The following MED13L variants were observed in gnomAD, a reference collection of about 807,000 sequenced individuals.
The protein encoded by MED13L is mediator complex subunit 13L, also known as mediator of RNA polymerase II transcription subunit 13-like.
MED13L carries 7 observed loss-of-function variants against 220.9 expected under a neutral mutation model. The ratio of observed to expected loss-of-function variants is 0.03; its 90% CI spans 0.02 to 0.06. MED13L has a LOEUF of 0.06. Among genes scored for constraint, MED13L ranks in the 10% least tolerant of loss-of-function variants. MED13L has a pLI of 1.00. For synonymous variants in MED13L, 1,011 were observed against 1,015.2 expected (o/e 1.00, Z 0.08); for missense variants, 1,965 against 2,760.5 (o/e 0.71, Z 6.46).
In MED13L at chr12:115,987,121, G is replaced by A. The variant is rs1877747281; in HGVS notation, c.4102C>T (p.Arg1368Trp). Reference sequence around the variant, plus strand: ...ACAAAGACCCTACCGTAGGTTCCCCGTCCTGCCATTTTATGGAACTGCTGC... The same window carrying A: ...ACAAAGACCCTACCGTAGGTTCCCCATCCTGCCATTTTATGGAACTGCTGC... ...TWQQFHKMAGRGTYGSEESPE... is the reference protein window; with the variant it reads ...TWQQFHKMAGWGTYGSEESPE... The change falls in exon 18 of 31, where the codon CGG becomes TGG. Residue 1368 changes from arginine to tryptophan, a missense_variant. By Grantham distance (101) the Arg-to-Trp change is moderately radical (BLOSUM62 -3). Around this residue, in one of 10 missense-constraint regions of MED13L, gnomAD observed 21 missense variants for 73.9 expected, o/e 0.28. Coordinates refer to ENST00000281928, the MANE Select transcript of MED13L (RefSeq NM_015335.5). 6.2e-7 allele frequency: 1 copy of A among 1,614,120 alleles called. No homozygotes were observed. Among genetic ancestry groups the A allele is most frequent in the Non-Finnish European group, 8.5e-7 (1 of 1,179,982 alleles).
At chr12:116,139,309 T>C (rs1437565271) in intron 2 of MED13L, among the ~76,000 whole-genome samples, 1 of 152,174 alleles carries the variant, frequency 6.6e-6, no homozygotes, top group African/African-American at 2.4e-5. Flanking sequence ...TCAATGATGA[T>C]TGATGAAAAC....
rs1872656692 is a variant in MED13L at position 116,096,523 on chromosome 12, T to C, written c.479+146A>G. ...TTAATATTGAATATAAATTTAATAA[T>C]ATAGTATTTAAGAACACTGTGATCC... On this transcript the variant is annotated intron_variant, in intron 4 of 30. Transcript: ENST00000281928. 6.9e-6 allele frequency: 4 copies of C among 580,494 alleles called. No individual in the cohort carries two copies. The South Asian group carries it at 7.0e-5, about 10-fold the overall frequency. The allele number at this position is 580,494 out of a possible 1,614,324, so 36.0% of individuals were successfully genotyped here.
At chr12:116,071,565 T>C (rs2137685205) in intron 4 of MED13L, among the ~76,000 whole-genome samples, 3 of 152,342 alleles carry the variant, frequency 2.0e-5, no homozygotes, top group Admixed American at 2.0e-4. Context: ...TAGCTGGGAC[T>C]ATAGGCATGT....
chr12:115,988,937 C>G (rs1314693723), intron 17 of MED13L, among the ~76,000 whole-genome samples: 3 of 152,158 alleles, frequency 2.0e-5, no homozygotes, highest in Non-Finnish European at 4.4e-5. Context: ...TCAGTAGAAA[C>G]TGATTAAGGG....
chr12:116,233,114 A>G (rs1593191677), intron 2 of MED13L, among the ~76,000 whole-genome samples: 1 of 150,854 alleles, frequency 6.6e-6, no homozygotes, highest in South Asian at 2.1e-4. Context: ...AAAAAAAGTA[A>G]GAAGTATTTG....
At chr12:116,237,429 T>C (rs1279323860) in intron 2 of MED13L, 39 bp downstream of exon 2, 3 of 1,455,796 alleles carry the variant, frequency 2.1e-6, no homozygotes, top group African/African-American at 1.4e-5. Context: ...CAAAAAAATA[T>C]GATGCAAATA....
intron 4 of MED13L, among the ~76,000 whole-genome samples, chr12:116,086,860 A>G (rs1303605420): frequency 1.3e-5 from 2 of 152,178 alleles, no homozygotes; most frequent in Non-Finnish European, 2.9e-5. Flanking sequence ...AGTAAACACC[A>G]TATTTTCAAA....
chr12:116,165,259 CTTTTTTTTTTTTTTTTTTT>C (rs34196219), intron 2 of MED13L, among the ~76,000 whole-genome samples: 1 of 74,486 alleles, frequency 1.3e-5, no homozygotes, highest in Non-Finnish European at 2.4e-5. Context: ...AGGCACCATC[CTTTTTTTTTTTTTTTTTTT>C]TTTTTTTTTG....
chr12:116,021,986 C>T (rs1005094126), intron 5 of MED13L, among the ~76,000 whole-genome samples: 5 of 152,092 alleles, frequency 3.3e-5, no homozygotes, highest in Admixed American at 2.6e-4. Context: ...TTAGGAACAT[C>T]GCTGAAGAAA....
intron 2 of MED13L, among the ~76,000 whole-genome samples, chr12:116,236,503 C>T (rs1028602091): frequency 6.6e-5 from 10 of 151,134 alleles, no homozygotes; most frequent in African/African-American, 2.4e-4. Context: ...TTACTCCTTC[C>T]TTTAAAAAAA....
chr12:116,200,455 G>A (rs1043476180), intron 2 of MED13L, among the ~76,000 whole-genome samples: 1 of 152,052 alleles, frequency 6.6e-6, no homozygotes, highest in Non-Finnish European at 1.5e-5. Flanking sequence ...AGAAAAACAG[G>A]TGAGAAAAAT....
intron 4 of MED13L, among the ~76,000 whole-genome samples, chr12:116,051,339 A>C (rs1868493706): frequency 6.6e-6 from 1 of 152,090 alleles, no homozygotes; most frequent in Non-Finnish European, 1.5e-5. Flanking sequence ...ATTAATATTT[A>C]ACTTCAATAA....
At chr12:116,215,410 CCTAT>C (rs930094216) in intron 2 of MED13L, among the ~76,000 whole-genome samples, 5 of 152,186 alleles carry the variant, frequency 3.3e-5, no homozygotes, top group African/African-American at 9.7e-5. Context: ...CAGTGTGGTT[CCTAT>C]CTATCTTTCC....
At chr12:116,185,069 T>C (rs991492543) in intron 2 of MED13L, among the ~76,000 whole-genome samples, 1 of 152,208 alleles carries the variant, frequency 6.6e-6, no homozygotes, top group Non-Finnish European at 1.5e-5. Context: ...AAACCACATA[T>C]ATTATATCCA....
At chr12:116,163,811 C>T (rs1216050734) in intron 2 of MED13L, among the ~76,000 whole-genome samples, 1 of 152,004 alleles carries the variant, frequency 6.6e-6, no homozygotes, top group Admixed American at 6.6e-5. Flanking sequence ...AGACTATTTC[C>T]TAATATAAGC....
intron 4 of MED13L, among the ~76,000 whole-genome samples, chr12:116,031,001 T>A (rs1221974935): frequency 6.6e-6 from 1 of 152,092 alleles, no homozygotes; most frequent in Admixed American, 6.6e-5. Context: ...CATTAACAGA[T>A]GAATGAGAAA....
intron 3 of MED13L, among the ~76,000 whole-genome samples, chr12:116,103,649 T>C (rs1358649361): frequency 6.6e-6 from 1 of 152,196 alleles, no homozygotes; most frequent in African/African-American, 2.4e-5. Context: ...ATTCACTAAA[T>C]AGCTACACAG....
intron 4 of MED13L, among the ~76,000 whole-genome samples, chr12:116,032,638 A>G (rs1181924595): frequency 6.6e-6 from 1 of 152,154 alleles, no homozygotes; most frequent in East Asian, 1.9e-4. Context: ...TTTACTTCTT[A>G]CAAGTTTTCC....
chr12:116,031,010 A>G (rs1458348516), intron 4 of MED13L, among the ~76,000 whole-genome samples: 1 of 152,214 alleles, frequency 6.6e-6, no homozygotes, highest in African/African-American at 2.4e-5. Context: ...ATGAATGAGA[A>G]AAATCAAAGA....
Sources: allele counts gnomAD v4.1 joint callset (sites outside exome capture counted in the v4.1 genomes callset), GRCh38; gene constraint gnomAD v4.1.1; regional missense constraint gnomAD v4.1.1; transcripts MANE v1.5; gene names NCBI Gene and HGNC (gene_info 2026-07-23, HGNC 2026-07-21).